The following CPNE1 variants were observed in gnomAD, a reference collection of about 807,000 sequenced individuals.
The protein encoded by CPNE1 is copine-1.
Under a neutral mutation model 63.2 loss-of-function variants are expected in CPNE1, and 58 were observed. The observed-to-expected ratio is 0.92, with a 90% CI of 0.74 to 1.14. The LOEUF is 1.14. Ranked by LOEUF, CPNE1 falls within the 50% of genes most tolerant of loss-of-function variation. The pLI, the probability that CPNE1 is intolerant of heterozygous loss-of-function variation, is 0.00. For missense variants in CPNE1, 672 were observed against 661.7 expected (o/e 1.02, Z -0.17); for synonymous variants, 237 against 249.0 (o/e 0.95, Z 0.45).
At chr20:35,654,375 C>T in intron 1 of CPNE1, 1 of 1,614,210 alleles carries the variant, frequency 6.2e-7, no homozygotes, top group Non-Finnish European at 8.5e-7. Flanking sequence ...CATCATTTTC[C>T]ATTGCAGAAA....
At chr20:35,650,061 A>C (rs896394505) in intron 1 of CPNE1, 12 of 152,598 alleles carry the variant, frequency 7.9e-5, no homozygotes, top group African/African-American at 2.9e-4. Flanking sequence ...TTTTTTAAAA[A>C]CTGAAACTCC....
intron 1 of CPNE1, chr20:35,650,235 C>A (rs117006321): frequency 1.3e-5 from 2 of 152,250 alleles, no homozygotes; most frequent in African/African-American, 2.4e-5. Context: ...CTACACAAAC[C>A]GCTCTTTTAA....
intron 1 of CPNE1, among the ~76,000 whole-genome samples, chr20:35,656,702 G>A (rs914149983): frequency 1.3e-5 from 2 of 151,914 alleles, no homozygotes; most frequent in Non-Finnish European, 2.9e-5. Flanking sequence ...GCCTGGCTAA[G>A]TGTTTGTATT....
intron 1 of CPNE1, chr20:35,652,748 TA>T: frequency 6.2e-7 from 1 of 1,613,582 alleles, no homozygotes; most frequent in Non-Finnish European, 8.5e-7. Context: ...TTTTGCACTT[TA>T]ATTACTGTCG....
intron 1 of CPNE1, chr20:35,651,541 T>C (rs1476098625): frequency 6.6e-6 from 1 of 152,208 alleles, no homozygotes; most frequent in Non-Finnish European, 1.5e-5. Flanking sequence ...AACCTAGATA[T>C]AACACTTTCT....
At chr20:35,653,207 C>T (rs760117929) in intron 1 of CPNE1, 1 of 1,613,520 alleles carries the variant, frequency 6.2e-7, no homozygotes, top group Non-Finnish European at 8.5e-7. Context: ...GTCAGGAAGG[C>T]ATGCTCTTCA....
chr20:35,626,958 C>T, intron 14 of CPNE1, 155 bp from the exon 15 acceptor site: 1 of 694,000 alleles, frequency 1.4e-6, no homozygotes, highest in South Asian at 1.7e-5. Flanking sequence ...GAGGCTAAGG[C>T]AGGCGGATCA....
intron 1 of CPNE1, chr20:35,649,204 A>G (rs2033331025): frequency 6.6e-6 from 1 of 152,248 alleles, no homozygotes; most frequent in Non-Finnish European, 1.5e-5. Context: ...ATTCTTTCCA[A>G]AAGATTTGAC....
At chr20:35,652,776 A>G in intron 1 of CPNE1, 1 of 1,611,658 alleles carries the variant, frequency 6.2e-7, no homozygotes, top group South Asian at 1.1e-5. Flanking sequence ...GTTTTCCAGA[A>G]CTAGATGCAA....
chr20:35,652,462 C>G, intron 1 of CPNE1: 1 of 1,517,836 alleles, frequency 6.6e-7, no homozygotes, highest in East Asian at 2.3e-5. Flanking sequence ...ACTAGGAAAA[C>G]AATCTGGATG....
chr20:35,627,436 C>T (rs1361563300), intron 13 of CPNE1, 23 bp from the exon 14 acceptor site: 2 of 1,612,454 alleles, frequency 1.2e-6, no homozygotes, highest in Admixed American at 1.7e-5. Context: ...GCAAGAAATA[C>T]CGTAAAATCC....
intron 9 of CPNE1, 47 bp from the exon 10 acceptor site, chr20:35,631,220 C>G: frequency 6.2e-7 from 1 of 1,613,604 alleles, no homozygotes; most frequent in South Asian, 1.1e-5. Flanking sequence ...CAGTTGGTGT[C>G]ATGGAGCTCA....
chr20:35,653,748 G>C lies in CPNE1; in HGVS notation c.-1+11012C>G, dbSNP rs771301442. The stretch of plus-strand genomic sequence containing the variant: ...TTAGTATCATTTCCCTCTGGTCATA[G>C]CTGAAGTTCTGCAGTCTTTTTCGAA... On this transcript the variant is annotated intron_variant, in intron 1 of 15. Transcript: ENST00000397443. 3 of 1,614,150 alleles carry C rather than the reference G, an allele frequency of 1.9e-6. No individual in the cohort carries two copies. In the South Asian group the frequency reaches 3.3e-5, roughly 18 times the overall value.
intron 1 of CPNE1, among the ~76,000 whole-genome samples, chr20:35,662,629 AG>A (rs1287741167): frequency 6.6e-6 from 1 of 152,234 alleles, no homozygotes; most frequent in Non-Finnish European, 1.5e-5. Context: ...CATCTACAGA[AG>A]AAAACATACA....
At chr20:35,645,305 T>C (rs1455436738) in intron 1 of CPNE1, among the ~76,000 whole-genome samples, 1 of 152,166 alleles carries the variant, frequency 6.6e-6, no homozygotes, top group Admixed American at 6.5e-5. Flanking sequence ...ATTTACATGT[T>C]AGGGAAGCCG....
intron 1 of CPNE1, among the ~76,000 whole-genome samples, chr20:35,659,721 A>G (rs1056796891): frequency 1.3e-5 from 2 of 152,262 alleles, no homozygotes; most frequent in African/African-American, 4.8e-5. Flanking sequence ...TATTAAGAGT[A>G]TATCCCAAAA....
rs535182787 is a variant in CPNE1 at position 35,662,363 on chromosome 20, T to C, written c.-1+2397A>G. Among the ~76,000 whole-genome samples the C allele has an allele frequency of 8.5e-5, 13 of 152,296 alleles. No individual in the cohort carries two copies. The South Asian group carries it at 2.7e-3, about 32-fold the overall frequency. ...CTTAAAAGCTGGCTTTAAACTTAAT[T>C]AAATTTTGTGCAAACCAAAAGGTAT... On this transcript the variant is annotated intron_variant, in intron 1 of 15. Transcript: ENST00000397443.
intron 1 of CPNE1, among the ~76,000 whole-genome samples, chr20:35,635,795 G>A (rs997261346): frequency 2.0e-5 from 3 of 152,130 alleles, no homozygotes; most frequent in African/African-American, 7.2e-5. Context: ...GCAGCCCACA[G>A]CACCTCATCT....
chr20:35,630,978 G>C lies in CPNE1; in HGVS notation c.918C>G (p.His306Gln). The change falls in exon 11 of 16, where the codon CAC (histidine) becomes CAG (glutamine). Residue 306 changes from histidine to glutamine, a missense_variant. By Grantham distance (24) the His-to-Gln change is conservative. Coordinates refer to ENST00000397443, the MANE Select transcript of CPNE1 (RefSeq NM_152925.3). ...NGDPSSPDSL[H>Q]YLSPTGVNEY... ...CATTGACCCCTGTTGGACTCAGGTAGTGTAGGGAGTCAGGTGAGGAGGGGT... is the reference window on the plus strand; with the variant it reads ...CATTGACCCCTGTTGGACTCAGGTACTGTAGGGAGTCAGGTGAGGAGGGGT... The C allele has an allele frequency of 1.9e-6, 3 of 1,614,176 alleles. No individual in the cohort carries two copies. The South Asian group carries it at 3.3e-5, about 18-fold the overall frequency.
Sources: allele counts gnomAD v4.1 joint callset (sites outside exome capture counted in the v4.1 genomes callset), GRCh38; gene constraint gnomAD v4.1.1; transcripts MANE v1.5; gene names NCBI Gene and HGNC (gene_info 2026-07-23, HGNC 2026-07-21).